Variants in AGAP3 observed in about 807,000 individuals in gnomAD.
The protein encoded by AGAP3 is arf-GAP with GTPase, ANK repeat and PH domain-containing protein 3.
In AGAP3, 24 loss-of-function variants were observed where a neutral mutation model predicts 96.9. The observed-to-expected ratio is 0.25, with a 90% CI of 0.18 to 0.35. The LOEUF is 0.35. Ranked by LOEUF, AGAP3 falls within the 10% of genes least tolerant of loss-of-function variation. AGAP3 has a pLI of 1.00. For missense variants in AGAP3, 876 were observed against 1,254.2 expected (o/e 0.70, Z 4.55); for synonymous variants, 563 against 536.1 (o/e 1.05, Z -0.69).
chr7:151,115,088 CG>C, intron 1 of AGAP3: 1 of 1,028,982 alleles, frequency 9.7e-7, no homozygotes, highest in South Asian at 3.4e-5. Flanking sequence ...CGTCCAGCCC[CG>C]CGCCGACCCG....
chr7:151,126,347 G>A (rs1022497333), intron 9 of AGAP3, among the ~76,000 whole-genome samples: 4 of 58,318 alleles, frequency 6.9e-5, no homozygotes, highest in African/African-American at 3.8e-4. Context: ...CTGGAGATGG[G>A]AGCAGAGCGG....
chr7:151,098,065 G>A (rs1798682408), intron 1 of AGAP3, among the ~76,000 whole-genome samples: 1 of 152,064 alleles, frequency 6.6e-6, no homozygotes, highest in Non-Finnish European at 1.5e-5. Context: ...TAGCCTATAA[G>A]ATAACAAATG....
At chr7:151,101,124 G>A (rs1798818873) in intron 1 of AGAP3, among the ~76,000 whole-genome samples, 1 of 152,238 alleles carries the variant, frequency 6.6e-6, no homozygotes, top group South Asian at 2.1e-4. Context: ...CTGAGCCCAA[G>A]TGGAACTGCC....
chr7:151,117,817 G>A (rs199728267), intron 5 of AGAP3, 40 bp downstream of exon 5: 34 of 1,575,712 alleles, frequency 2.2e-5, no homozygotes, highest in Non-Finnish European at 2.8e-5. Flanking sequence ...AGAGCAGGAA[G>A]TCCCGGGCAA....
chr7:151,098,496 T>A (rs1798699032), intron 1 of AGAP3, among the ~76,000 whole-genome samples: 1 of 151,730 alleles, frequency 6.6e-6, no homozygotes, highest in African/African-American at 2.4e-5. Context: ...CAAAAAAAAA[T>A]TAAAAAATTA....
chr7:151,143,626 C>T lies in AGAP3; in HGVS notation c.2529+30C>T. ...GTCACGTGCCTCTAGCCTGCCCTGA[C>T]CTCGCTCTTCTTAGCCTTGTTCTTT... is the stretch of plus-strand genomic sequence containing the variant. On this transcript the variant is annotated intron_variant, in intron 17 of 17. Coordinates refer to ENST00000397238, the MANE Select transcript of AGAP3 (RefSeq NM_031946.7). The surrounding 1 kb of genome is among the most constrained non-coding windows in gnomAD (Gnocchi z 5.9). 6.3e-7 allele frequency: 1 copy of T among 1,596,370 alleles called. No homozygotes were observed. The highest frequency in any genetic ancestry group is 8.6e-7 in the Non-Finnish European group (1 of 1,169,232).
intron 11 of AGAP3, among the ~76,000 whole-genome samples, chr7:151,135,773 G>A (rs1273315734): frequency 6.6e-6 from 1 of 152,242 alleles, no homozygotes; most frequent in Non-Finnish European, 1.5e-5. Context: ...GTCCTCAGCA[G>A]CTGTGAAGTA....
intron 1 of AGAP3, among the ~76,000 whole-genome samples, chr7:151,100,349 G>C (rs1330032878): frequency 6.6e-6 from 1 of 152,206 alleles, no homozygotes; most frequent in Non-Finnish European, 1.5e-5. Context: ...GGTGCCACCT[G>C]AGCCTGCTCT....
chr7:151,134,937 A>C (rs1800536466), intron 11 of AGAP3, among the ~76,000 whole-genome samples: 1 of 151,994 alleles, frequency 6.6e-6, no homozygotes, highest in Non-Finnish European at 1.5e-5. Flanking sequence ...GAGATAGGGG[A>C]GGTGGAAGGG....
Position 151,107,870 on chromosome 7 carries a change from C to A in AGAP3, c.332-8923C>A, listed in dbSNP as rs113960343. ...AGGTGCAACACGGCATAGAGCCGTA[C>A]GATGCTTCATATTCTGAGTCTGGAG... On this transcript the variant is annotated intron_variant, in intron 1 of 17. Coordinates refer to ENST00000397238, the MANE Select transcript of AGAP3 (RefSeq NM_031946.7). 3.2e-3 allele frequency among the ~76,000 whole-genome samples: 482 copies of A among 152,312 alleles called. 5 individuals are homozygous for A. Among genetic ancestry groups the A allele is most frequent in the African/African-American group, 0.011 (452 of 41,562 alleles).
At chr7:151,109,948 A>G (rs1799215104) in intron 1 of AGAP3, among the ~76,000 whole-genome samples, 1 of 152,238 alleles carries the variant, frequency 6.6e-6, no homozygotes, top group Admixed American at 6.5e-5. Flanking sequence ...TGGCCTGCAC[A>G]GCACCTTTAG....
At position 151,118,103 on chromosome 7, in the gene AGAP3, C is replaced by T. The variant is rs1799683887; in HGVS notation, c.707-107C>T. On this transcript the variant is annotated intron_variant, in intron 5 of 17. Coordinates refer to ENST00000397238, the MANE Select transcript of AGAP3 (RefSeq NM_031946.7). The surrounding 1 kb of genome is among the most constrained non-coding windows in gnomAD (Gnocchi z 6.1). ...CCGCGTTCTTGGTGCTCTGTGTGTT[C>T]CACTCACCAGGCCCTTTGCACACCT... The T allele has an allele frequency of 9.1e-6, 13 of 1,429,534 alleles. No individual in the cohort carries two copies. The highest frequency in any genetic ancestry group is 1.1e-5 in the Non-Finnish European group (12 of 1,053,160). The allele number at this position is 1,429,534 out of a possible 1,614,324, so 88.6% of individuals were successfully genotyped here.
intron 8 of AGAP3, chr7:151,123,362 C>T (rs868395657): frequency 1.4e-4 from 149 of 1,045,984 alleles, no homozygotes; most frequent in Non-Finnish European, 1.6e-4. Context: ...CACGCCGACG[C>T]GCTCGGTGCC....
At chr7:151,130,718 G>A (rs965007976) in intron 10 of AGAP3, among the ~76,000 whole-genome samples, 2 of 152,166 alleles carry the variant, frequency 1.3e-5, no homozygotes, top group African/African-American at 2.4e-5. Flanking sequence ...TACACACGGT[G>A]CAAAAGCACG....
chr7:151,132,183 C>T (rs1009695871), intron 10 of AGAP3, among the ~76,000 whole-genome samples: 12 of 152,112 alleles, frequency 7.9e-5, no homozygotes, highest in African/African-American at 1.2e-4. Context: ...AGGAGGGGCT[C>T]CTGGGTCTGC....
At position 151,117,470 on chromosome 7, in the gene AGAP3, C is replaced by T. The variant is rs1799649628; in HGVS notation, c.564+14C>T. On this transcript the variant is annotated intron_variant, in intron 4 of 17. Coordinates refer to ENST00000397238, the MANE Select transcript of AGAP3 (RefSeq NM_031946.7). ...CCTGAGCTCCAGGTGATGCTCCTGC[C>T]CAGGGTTAGGGCCCACCGCTGTGCC... 1 of 1,614,068 alleles carries T rather than the reference C, an allele frequency of 6.2e-7. No individual in the cohort carries two copies. The highest frequency in any genetic ancestry group is 8.5e-7 in the Non-Finnish European group (1 of 1,179,970).
At chr7:151,102,363 A>G (rs1345717872) in intron 1 of AGAP3, among the ~76,000 whole-genome samples, 1 of 152,220 alleles carries the variant, frequency 6.6e-6, no homozygotes, top group Non-Finnish European at 1.5e-5. Context: ...CCCACACTCC[A>G]GCACTTTGTG....
rs1335041077 is a variant in AGAP3 at position 151,139,159 on chromosome 7, A to ACC, written c.1667-817_1667-816dup. ...GGAAGACCCAGGGTGCCCCACTGTC[A>ACC]CCCCAGCCATGGGTGCTCTCCCAGC... On this transcript the variant is annotated intron_variant, in intron 12 of 17. Coordinates refer to ENST00000397238, the MANE Select transcript of AGAP3 (RefSeq NM_031946.7). The surrounding 1 kb of genome is among the most constrained non-coding windows in gnomAD (Gnocchi z 4.9). Among the ~76,000 whole-genome samples the ACC allele has an allele frequency of 2.0e-5, 3 of 152,188 alleles. No homozygotes were observed. The East Asian group carries it at 5.8e-4, about 29-fold the overall frequency.
At chr7:151,128,417 G>A in intron 9 of AGAP3, 163 bp from the exon 10 acceptor site, 1 of 599,988 alleles carries the variant, frequency 1.7e-6, no homozygotes, top group Non-Finnish European at 3.0e-6. Context: ...TGGTCTAAGG[G>A]GCCTTCCCAA....
Sources: gnomAD v4.1 joint callset for allele counts (sites outside exome capture counted in the v4.1 genomes callset) on GRCh38, gnomAD v4.1.1 for gene constraint, Gnocchi (gnomAD v3.1) non-coding constraint, MANE v1.5 for transcripts, NCBI Gene and HGNC (gene_info 2026-07-23, HGNC 2026-07-21) for gene names.